RIPOR1: variants seen among roughly 807,000 people sequenced by gnomAD.
RIPOR1 encodes the protein rho family-interacting cell polarization regulator 1.
A neutral mutation model predicts 116.5 loss-of-function variants in RIPOR1; 58 were observed. The observed-to-expected ratio is 0.50, with a 90% CI of 0.40 to 0.62. The LOEUF (loss-of-function observed/expected upper bound fraction) is 0.62, where lower values mean the gene tolerates loss of function less well. RIPOR1 is among the 20% of genes least tolerant of loss of function. RIPOR1 has a pLI of 0.00. For missense variants in RIPOR1, 1,372 were observed against 1,586.2 expected (o/e 0.86, Z 2.29); for synonymous variants, 605 against 650.0 (o/e 0.93, Z 1.05).
chr16:67,526,201 C>G (rs2050538449), upstream of RIPOR1, among the ~76,000 whole-genome samples: 1 of 152,138 alleles, frequency 6.6e-6, no homozygotes, highest in Non-Finnish European at 1.5e-5. Context: ...GAAGGGACAT[C>G]TGAGCTGTTT....
intron 1 of RIPOR1, 151 bp from the exon 2 acceptor site, chr16:67,538,273 C>G (rs905238206): frequency 2.8e-4 from 277 of 991,458 alleles, no homozygotes; most frequent in Non-Finnish European, 2.7e-4. Flanking sequence ...CATTAGTGCC[C>G]GGGTCGGCGG....
At position 67,543,310 on chromosome 16, in the gene RIPOR1, G is replaced by A. The variant is rs769649809; in HGVS notation, c.2479-38G>A. The A allele has an allele frequency of 1.4e-5, 23 of 1,606,656 alleles. No homozygotes were observed. The Middle Eastern group carries it at 4.9e-4, about 35-fold the overall frequency. On this transcript the variant is annotated intron_variant, in intron 13 of 21. Coordinates refer to ENST00000042381, the MANE Select transcript of RIPOR1 (RefSeq NM_024519.4). This position sits in a 1 kb window ranked among gnomAD's most constrained non-coding sequence, Gnocchi z 4.7. ...CTAGGGCAACCAGGGAGGGCAGCCAGGGGGCGGCAGCCGCTCTGATGCCCT... is the reference window on the plus strand; with the variant it reads ...CTAGGGCAACCAGGGAGGGCAGCCAAGGGGCGGCAGCCGCTCTGATGCCCT...
In RIPOR1 at chr16:67,545,973, C is replaced by T. The variant is rs1292762364; in HGVS notation, c.3412C>T (p.Leu1138=). The T allele has an allele frequency of 6.2e-7, 1 of 1,614,042 alleles. No individual in the cohort carries two copies. ...ERALLCFLDQ[L]EDEDVQTRVA... is the part of the protein sequence containing the mutation. ...GGCCCTCCTGTGCTTCCTGGACCAG[C>T]TGGAGGATGAGGACGTGCAGACTCG... The change falls in exon 20 of 22, where the codon CTG becomes TTG. Residue 1138 remains leucine (L), a synonymous_variant. Transcript: ENST00000042381. The surrounding 1 kb of genome is among the most constrained non-coding windows in gnomAD (Gnocchi z 4.8).
In RIPOR1 at chr16:67,541,607, G is replaced by GCACCT; in HGVS notation, c.950+29_950+30insCACCT. On this transcript the variant is annotated intron_variant, in intron 11 of 21. Transcript: ENST00000042381. The surrounding 1 kb of genome is among the most constrained non-coding windows in gnomAD (Gnocchi z 4.6). ...GGTGGGGCTGAGAGGCTTGGAGGAGGGCCAGGAGGGCTGTGGCACCTGCCA... is the reference window on the plus strand; with the variant it reads ...GGTGGGGCTGAGAGGCTTGGAGGAGGCACCTGCCAGGAGGGCTGTGGCACCTGCCA... The GCACCT allele has an allele frequency of 6.2e-7, 1 of 1,613,976 alleles. No homozygotes were observed. The highest frequency in any genetic ancestry group is 8.5e-7 in the Non-Finnish European group (1 of 1,179,910).
chr16:67,543,002 G>A lies in RIPOR1; in HGVS notation c.2216G>A (p.Ser739Asn). ...PAHSSRKPLT[S>N]PAPDPSESTV... is the part of the protein sequence containing the mutation. ...CATTCCAGTAGGAAACCCCTCACAAGCCCTGCCCCAGATCCCTCAGAGTCT... is the reference window on the plus strand; with the variant it reads ...CATTCCAGTAGGAAACCCCTCACAAACCCTGCCCCAGATCCCTCAGAGTCT... Residue 739 changes from serine (S) to asparagine (N), a missense_variant, in exon 13 of 22, where the codon AGC (serine) becomes AAC (asparagine). Ser to Asn is a conservative substitution (Grantham distance 46, BLOSUM62 1). Transcript: ENST00000042381. The surrounding 1 kb of genome is among the most constrained non-coding windows in gnomAD (Gnocchi z 4.7). 1 of 1,565,398 alleles carries A rather than the reference G, an allele frequency of 6.4e-7. No homozygotes were observed. Among genetic ancestry groups the A allele is most frequent in the East Asian group, 2.2e-5 (1 of 44,630 alleles).
rs1322515727 is a variant in RIPOR1, at chr16:67,542,272, C to T, written c.1486C>T (p.Pro496Ser). The T allele has an allele frequency of 1.2e-6, 2 of 1,613,944 alleles. No individual in the cohort carries two copies. Among genetic ancestry groups the T allele is most frequent in the South Asian group, 1.1e-5 (1 of 91,070 alleles). ...THGEHPSPVP[P>S]ALDPGHSATS... is the part of the protein sequence containing the mutation. ...TGGAGAGCACCCCAGTCCTGTTCCT[C>T]CTGCCCTGGACCCTGGCCACTCTGC... The change falls in exon 13 of 22, where the codon CCT (proline) becomes TCT (serine). Residue 496 changes from proline to serine, a missense_variant. Physicochemically the swap from Pro to Ser is moderately conservative, Grantham distance 74. Around this residue, in one of 3 missense-constraint regions of RIPOR1, gnomAD observed 1,005 missense variants for 1,144.7 expected, o/e 0.88. Transcript: ENST00000042381. This position sits in a 1 kb window ranked among gnomAD's most constrained non-coding sequence, Gnocchi z 4.6.
chr16:67,530,945 A>T lies in RIPOR1; in HGVS notation c.-24+2031A>T, dbSNP rs1165126178. 6.6e-6 allele frequency among the ~76,000 whole-genome samples: 1 copy of T among 152,130 alleles called. No individual in the cohort carries two copies. Among genetic ancestry groups the T allele is most frequent in the Non-Finnish European group, 1.5e-5 (1 of 68,018 alleles). On this transcript the variant is annotated intron_variant, in intron 1 of 21. Transcript: ENST00000042381. The surrounding 1 kb of genome is among the most constrained non-coding windows in gnomAD (Gnocchi z 4.5). Reference sequence around the variant, plus strand: ...CTACCTGCTCTCACCCAGCAAGGGCAATCTTGCCCGCCCATCTCCCGAAGC... The same window carrying T: ...CTACCTGCTCTCACCCAGCAAGGGCTATCTTGCCCGCCCATCTCCCGAAGC...
chr16:67,521,539 C>T (rs968152224), intron 1 of RIPOR1, among the ~76,000 whole-genome samples: 2 of 152,208 alleles, frequency 1.3e-5, no homozygotes, highest in African/African-American at 4.8e-5. Context: ...GAGGCGAAGA[C>T]GTCCCTCCCA....
chr16:67,531,514 C>T lies in RIPOR1; in HGVS notation c.-24+2600C>T. On this transcript the variant is annotated intron_variant, in intron 1 of 21. Transcript: ENST00000042381. This position sits in a 1 kb window ranked among gnomAD's most constrained non-coding sequence, Gnocchi z 4.2. ...GGGGGAACCAACCCAGGGCCTGCTTCCTGGAGGAAGAAGTCATAGGGTAGA... is the reference window on the plus strand; with the variant it reads ...GGGGGAACCAACCCAGGGCCTGCTTTCTGGAGGAAGAAGTCATAGGGTAGA... 4.9e-6 allele frequency: 2 copies of T among 405,618 alleles called. No individual in the cohort carries two copies. The highest frequency in any genetic ancestry group is 1.0e-5 in the Non-Finnish European group (2 of 200,662). The allele number at this position is 405,618 out of a possible 1,614,324, so 25.1% of individuals were successfully genotyped here.
Position 67,545,560 on chromosome 16 carries a change from G to T in RIPOR1, c.3190+26G>T. 1 of 1,612,740 alleles carries T rather than the reference G, an allele frequency of 6.2e-7. No individual in the cohort carries two copies. Among genetic ancestry groups the T allele is most frequent in the Non-Finnish European group, 8.5e-7 (1 of 1,179,142 alleles). ...GTGAGGCGGTGGCCCTGATCACATA[G>T]TGGCCTCTTGGGGTCTGAGGACATG... On this transcript the variant is annotated intron_variant, in intron 18 of 21. Coordinates refer to ENST00000042381, the MANE Select transcript of RIPOR1 (RefSeq NM_024519.4). This position sits in a 1 kb window ranked among gnomAD's most constrained non-coding sequence, Gnocchi z 4.8.
In RIPOR1 at chr16:67,537,392, G is replaced by T. The variant is rs551353238; in HGVS notation, c.-23-1032G>T. On this transcript the variant is annotated intron_variant, in intron 1 of 21. Coordinates refer to ENST00000042381, the MANE Select transcript of RIPOR1 (RefSeq NM_024519.4). The surrounding 1 kb of genome is among the most constrained non-coding windows in gnomAD (Gnocchi z 4.6). ...CTCCCCGAGGGGAACCCCAGTCACC[G>T]GTCCCGCCCCATCCAGGCGGGCTGA... The T allele has an allele frequency of 2.4e-6, 3 of 1,229,650 alleles. No individual in the cohort carries two copies. Among genetic ancestry groups the T allele is most frequent in the Non-Finnish European group, 2.0e-6 (2 of 986,152 alleles). The allele number at this position is 1,229,650 out of a possible 1,614,324, so 76.2% of individuals were successfully genotyped here.
At position 67,540,572 on chromosome 16, in the gene RIPOR1, C is replaced by T. The variant is rs1230017972; in HGVS notation, c.676-7C>T. ...CCTAGGCTGCCTCATCCTACCTGTT[C>T]CCCCAGATCTGCATGAAATATGGGC... is the stretch of plus-strand genomic sequence containing the variant. On this transcript the variant is annotated splice_polypyrimidine_tract_variant and splice_region_variant and intron_variant, in intron 9 of 21. Coordinates refer to ENST00000042381, the MANE Select transcript of RIPOR1 (RefSeq NM_024519.4). This position sits in a 1 kb window ranked among gnomAD's most constrained non-coding sequence, Gnocchi z 4.7. 2 of 1,613,800 alleles carry T rather than the reference C, an allele frequency of 1.2e-6. No individual in the cohort carries two copies. The highest frequency in any genetic ancestry group is 1.7e-6 in the Non-Finnish European group (2 of 1,179,890).
Position 67,546,341 on chromosome 16 carries a change from T to C in RIPOR1, c.3563-25T>C, listed in dbSNP as rs1461133409. 5.0e-6 allele frequency: 8 copies of C among 1,611,002 alleles called. No individual in the cohort carries two copies. In the East Asian group the frequency reaches 1.6e-4, roughly 31 times the overall value. ...GAGTGGGATGGGGCTAGGGCCACCCTTGACCTCATCCTCACTCATTACAGG... is the reference window on the plus strand; with the variant it reads ...GAGTGGGATGGGGCTAGGGCCACCCCTGACCTCATCCTCACTCATTACAGG... On this transcript the variant is annotated intron_variant, in intron 21 of 21. Transcript: ENST00000042381.
rs974725133 is a variant in RIPOR1, at chr16:67,538,689, G to A, written c.122G>A (p.Ser41Asn). ...ERGPRSFPVF[S>N]PPGPPRKPPA... is the part of the protein sequence containing the mutation. Reference sequence around the variant, plus strand: ...TCCTTCAGGAGTTTCCCGGTCTTCAGCCCGCCGGGGCCCCCACGGAAGCCC... The same window carrying A: ...TCCTTCAGGAGTTTCCCGGTCTTCAACCCGCCGGGGCCCCCACGGAAGCCC... The change falls in exon 3 of 22, where the codon AGC becomes AAC. Residue 41 changes from serine (S) to asparagine (N), a missense_variant. This residue lies in a region of RIPOR1 where 165 missense variants were observed against 145.5 expected (regional missense o/e 1.13). Transcript: ENST00000042381. 1.2e-6 allele frequency: 2 copies of A among 1,612,928 alleles called. No individual in the cohort carries two copies. Among genetic ancestry groups the A allele is most frequent in the South Asian group, 1.1e-5 (1 of 91,048 alleles).
chr16:67,538,605 T>G (rs2050873178), intron 2 of RIPOR1, 55 bp downstream of exon 2: 2 of 1,607,208 alleles, frequency 1.2e-6, no homozygotes, highest in African/African-American at 2.7e-5. Flanking sequence ...GGGCTGGGTC[T>G]GGGGGTGCGT....
chr16:67,538,889 A>G, intron 3 of RIPOR1, 65 bp downstream of exon 3: 14 of 1,610,516 alleles, frequency 8.7e-6, no homozygotes, highest in Non-Finnish European at 1.2e-5. Flanking sequence ...TCCTGCTAGC[A>G]GGAACCTTCT....
Position 67,539,878 on chromosome 16 carries a change from A to G in RIPOR1, c.393A>G (p.Arg131=), listed in dbSNP as rs761309186. 2 of 1,613,976 alleles carry G rather than the reference A, an allele frequency of 1.2e-6. No homozygotes were observed. The highest frequency in any genetic ancestry group is 1.1e-5 in the South Asian group (1 of 91,080). ...AGTCCATTGAACGCTTCCTGCGACG[A>G]CTGGAGTTCCATGCCAGCAAGGTAC... ...QVKSIERFLR[R]LEFHASKIDE... is the part of the protein sequence containing the mutation. The change falls in exon 6 of 22, where the codon CGA becomes CGG. Residue 131 remains arginine (R), a synonymous_variant. Coordinates refer to ENST00000042381, the MANE Select transcript of RIPOR1 (RefSeq NM_024519.4).
intron 1 of RIPOR1, among the ~76,000 whole-genome samples, chr16:67,532,025 G>A (rs2050674504): frequency 6.6e-6 from 1 of 152,038 alleles, no homozygotes; most frequent in Admixed American, 6.6e-5. Context: ...CTGAGTAGCT[G>A]GGACTACAGG....
chr16:67,535,680 A>T (rs750789125), intron 1 of RIPOR1, among the ~76,000 whole-genome samples: 2 of 152,146 alleles, frequency 1.3e-5, no homozygotes, highest in African/African-American at 2.4e-5. Context: ...AAGGGGCCAG[A>T]GGTCTCAGGT....
Sources: gnomAD v4.1 joint callset for allele counts (sites outside exome capture counted in the v4.1 genomes callset) on GRCh38, gnomAD v4.1.1 for gene constraint, gnomAD v4.1.1 regional missense constraint, Gnocchi (gnomAD v3.1) non-coding constraint, MANE v1.5 for transcripts, NCBI Gene and HGNC (gene_info 2026-07-23, HGNC 2026-07-21) for gene names.